The following ERCC4 variants were observed in gnomAD, a reference collection of about 807,000 sequenced individuals.
ERCC4 encodes the protein DNA repair endonuclease XPF.
ERCC4 carries 65 observed loss-of-function variants against 76.9 expected under a neutral mutation model. That is an observed-to-expected ratio of 0.84 (90% CI 0.69 to 1.04). The LOEUF (loss-of-function observed/expected upper bound fraction) is 1.04, where lower values mean the gene tolerates loss of function less well. Ranked by LOEUF, ERCC4 falls within the 50% of genes least tolerant of loss-of-function variation. The pLI is 0.00. For synonymous variants in ERCC4, 463 were observed against 410.1 expected (o/e 1.13, Z -1.56); for missense variants, 1,214 against 1,128.2 (o/e 1.08, Z -1.09).
rs2032274770 is a variant in ERCC4 at position 13,935,671 on chromosome 16, T to C, written c.1739T>C (p.Leu580Pro). 1 of 1,614,156 alleles carries C rather than the reference T, an allele frequency of 6.2e-7. No homozygotes were observed. Among genetic ancestry groups the C allele is most frequent in the Non-Finnish European group, 8.5e-7 (1 of 1,180,022 alleles). ...GAAGTGGAGCCAAGATACGTGGTTC[T>C]TTATGACGCAGAGCTAACCTTTGTT... is the stretch of plus-strand genomic sequence containing the variant. ...LHEVEPRYVV[L>P]YDAELTFVRQ... is the part of the protein sequence containing the mutation. The change falls in exon 8 of 11, where the codon CTT (leucine) becomes CCT (proline). Residue 580 changes from leucine (L) to proline (P), a missense_variant. Physicochemically the swap from Leu to Pro is moderately conservative, Grantham distance 98 (BLOSUM62 -3). Transcript: ENST00000311895.
intron 2 of ERCC4, among the ~76,000 whole-genome samples, 183 bp from the exon 3 acceptor site, chr16:13,926,378 C>T (rs1239957829): frequency 1.3e-5 from 2 of 151,510 alleles, no homozygotes; most frequent in Non-Finnish European, 2.9e-5. Flanking sequence ...AAATATTTTA[C>T]GTATTTATAT....
At chr16:13,933,428 G>A (rs558418175) in intron 6 of ERCC4, 1 of 153,448 alleles carries the variant, frequency 6.5e-6, no homozygotes, top group African/African-American at 2.4e-5. Context: ...CTTAACTGAG[G>A]CCGGGCGCGG....
intron 9 of ERCC4, among the ~76,000 whole-genome samples, chr16:13,942,529 C>G (rs1354695974): frequency 6.6e-6 from 1 of 152,192 alleles, no homozygotes; most frequent in African/African-American, 2.4e-5. Flanking sequence ...ATAGTGCTTA[C>G]TAGGTGCCAG....
chr16:13,937,645 A>C, intron 8 of ERCC4, 121 bp from the exon 9 acceptor site: 1 of 726,878 alleles, frequency 1.4e-6, no homozygotes, highest in Non-Finnish European at 2.5e-6. Flanking sequence ...GAAACCTTTG[A>C]TTCTTAGTCA....
rs1170528313 is a variant in ERCC4, at chr16:13,952,176, AATAT to A, written c.*3834_*3837del. On this transcript the variant is annotated 3_prime_UTR_variant, in exon 11 of 11. Transcript: ENST00000311895. ...AGTTGTATTTGTGTGTGTTTAATAAAATATATATTTATTCAGTACTTTCCTCAGT... is the reference window on the plus strand; with the variant it reads ...AGTTGTATTTGTGTGTGTTTAATAAAATATTTATTCAGTACTTTCCTCAGT... The A allele has an allele frequency of 5.3e-6, 1 of 187,094 alleles. No individual in the cohort carries two copies. The highest frequency in any genetic ancestry group is 6.2e-5 in the Admixed American group (1 of 16,178). The allele number at this position is 187,094 out of a possible 1,614,324, so 11.6% of individuals were successfully genotyped here.
At chr16:13,924,403 A>G (rs1425412971) in intron 2 of ERCC4, among the ~76,000 whole-genome samples, 2 of 152,204 alleles carry the variant, frequency 1.3e-5, no homozygotes, top group African/African-American at 4.8e-5. Flanking sequence ...CAGAACTAAG[A>G]ACACACTTTC....
chr16:13,950,350 G>A lies in ERCC4; in HGVS notation c.*2003G>A, dbSNP rs1213364112. ...GTACTTAACAGTATATATGGATTTT[G>A]AACTCTACACAAGGGTATAACCAGA... On this transcript the variant is annotated 3_prime_UTR_variant, in exon 11 of 11. Transcript: ENST00000311895. 5.3e-6 allele frequency: 1 copy of A among 187,710 alleles called. No homozygotes were observed. Among genetic ancestry groups the A allele is most frequent in the Non-Finnish European group, 1.1e-5 (1 of 89,082 alleles). 11.6% of individuals were successfully genotyped at this position (187,710 alleles called of 1,614,324 possible). A position where few individuals can be genotyped will look rare whatever the true frequency, so the allele number is the denominator to read the frequency against.
Position 13,935,172 on chromosome 16 carries a change from G to A in ERCC4, c.1240G>A (p.Asp414Asn), listed in dbSNP as rs1442739999. 1.2e-6 allele frequency: 2 copies of A among 1,613,964 alleles called. No individual in the cohort carries two copies. The highest frequency in any genetic ancestry group is 1.7e-6 in the Non-Finnish European group (2 of 1,179,884). The stretch of plus-strand genomic sequence containing the variant: ...TCAAGTACTGATTTGTGCAAGTGAT[G>A]ACCGAACATGTTCCCAGCTGAGAGA... ...PGQVLICASDDRTCSQLRDYI... is the reference protein window; with the variant it reads ...PGQVLICASDNRTCSQLRDYI... Residue 414 changes from aspartate (D) to asparagine (N), a missense_variant, in exon 8 of 11, where the codon GAC (aspartate) becomes AAC (asparagine). By Grantham distance (23) the Asp-to-Asn change is conservative. Coordinates refer to ENST00000311895, the MANE Select transcript of ERCC4 (RefSeq NM_005236.3).
intron 10 of ERCC4, 82 bp from the exon 11 acceptor site, chr16:13,947,532 C>A: frequency 1.4e-6 from 2 of 1,385,732 alleles, no homozygotes; most frequent in South Asian, 1.2e-5. Context: ...GAGTTAACAA[C>A]AGAAACATCG....
chr16:13,948,106 C>T lies in ERCC4; in HGVS notation c.2510C>T (p.Thr837Ile). 1 of 1,614,182 alleles carries T rather than the reference C, an allele frequency of 6.2e-7. No individual in the cohort carries two copies. Among genetic ancestry groups the T allele is most frequent in the African/African-American group, 1.3e-5 (1 of 75,032 alleles). Residue 837 changes from threonine (T) to isoleucine (I), a missense_variant, in exon 11 of 11, where the codon ACC (threonine) becomes ATC (isoleucine). Transcript: ENST00000311895. ...CTGGCCATTACAGCAGATTCTGAAA[C>T]CCTTCCCGAGTCAGAGAAGTATAAT... is the stretch of plus-strand genomic sequence containing the variant. ...TALAITADSE[T>I]LPESEKYNPG...
rs758567128 is a variant in ERCC4 at position 13,935,344 on chromosome 16, AC to A, written c.1417del (p.Gln473LysfsTer20). 6 of 1,609,846 alleles carry A rather than the reference AC, an allele frequency of 3.7e-6. No homozygotes were observed. The highest frequency in any genetic ancestry group is 5.1e-6 in the Non-Finnish European group (6 of 1,179,066). On this transcript the variant is annotated frameshift_variant, in exon 8 of 11. Coordinates refer to ENST00000311895, the MANE Select transcript of ERCC4 (RefSeq NM_005236.3). LOFTEE classifies it high-confidence loss of function. ...RIRKSHKRPK[D>X]PQNKERASTK... ...AGGAAATCTCACAAAAGACCTAAAG[AC>A]CCCCAAAACAAAGAACGGGCTTCTA... is the stretch of plus-strand genomic sequence containing the variant.
In ERCC4 at chr16:13,935,175, C is replaced by A; in HGVS notation, c.1243C>A (p.Arg415=). 1 of 1,613,894 alleles carries A rather than the reference C, an allele frequency of 6.2e-7. No individual in the cohort carries two copies. Among genetic ancestry groups the A allele is most frequent in the South Asian group, 1.1e-5 (1 of 91,080 alleles). The change falls in exon 8 of 11, where the codon CGA becomes AGA. Residue 415 remains arginine (R), a synonymous_variant. Coordinates refer to ENST00000311895, the MANE Select transcript of ERCC4 (RefSeq NM_005236.3). Reference sequence around the variant, plus strand: ...AGTACTGATTTGTGCAAGTGATGACCGAACATGTTCCCAGCTGAGAGACTA... The same window carrying A: ...AGTACTGATTTGTGCAAGTGATGACAGAACATGTTCCCAGCTGAGAGACTA... ...GQVLICASDD[R]TCSQLRDYIT...
intron 4 of ERCC4, 81 bp downstream of exon 4, chr16:13,928,316 T>A (rs956186369): frequency 2.0e-6 from 2 of 1,008,338 alleles, no homozygotes; most frequent in Non-Finnish European, 1.5e-6. Context: ...GCAATGTTGT[T>A]AATAGGAATT....
Position 13,935,539 on chromosome 16 carries a change from T to G in ERCC4, c.1607T>G (p.Val536Gly). ...GAAATTAAGCATGAAGAATTTGATG[T>G]AAATTTGTCATCGGATGCTGCTTTC... ...PEEIKHEEFD[V>G]NLSSDAAFGI... Residue 536 changes from valine (V) to glycine (G), a missense_variant, in exon 8 of 11, where the codon GTA becomes GGA. By Grantham distance (109) the Val-to-Gly change is moderately radical. Transcript: ENST00000311895. 1 of 1,614,218 alleles carries G rather than the reference T, an allele frequency of 6.2e-7. No individual in the cohort carries two copies. The highest frequency in any genetic ancestry group is 1.1e-5 in the South Asian group (1 of 91,088).
Position 13,950,336 on chromosome 16 carries a change from T to G in ERCC4, c.*1989T>G, listed in dbSNP as rs1472562005. 5.3e-6 allele frequency: 1 copy of G among 188,208 alleles called. No individual in the cohort carries two copies. The highest frequency in any genetic ancestry group is 1.1e-5 in the Non-Finnish European group (1 of 89,444). 11.7% of individuals were successfully genotyped at this position (188,208 alleles called of 1,614,324 possible). ...ATCTTGATTTATTGGTACTTAACAGTATATATGGATTTTGAACTCTACACA... is the reference window on the plus strand; with the variant it reads ...ATCTTGATTTATTGGTACTTAACAGGATATATGGATTTTGAACTCTACACA... On this transcript the variant is annotated 3_prime_UTR_variant, in exon 11 of 11. Coordinates refer to ENST00000311895, the MANE Select transcript of ERCC4 (RefSeq NM_005236.3).
At chr16:13,921,445 A>G (rs1413767249) in intron 1 of ERCC4, among the ~76,000 whole-genome samples, 1 of 152,102 alleles carries the variant, frequency 6.6e-6, no homozygotes, top group East Asian at 1.9e-4. Context: ...GAGAAGAGTG[A>G]CCACAGTCTC....
chr16:13,937,629 A>G, intron 8 of ERCC4, 137 bp from the exon 9 acceptor site: 2 of 705,980 alleles, frequency 2.8e-6, no homozygotes, highest in South Asian at 3.0e-5. Context: ...CTAGTGTGTG[A>G]TAAATGAAAC....
chr16:13,920,385 T>A lies in ERCC4; in HGVS notation c.207+13T>A, dbSNP rs759023704. On this transcript the variant is annotated intron_variant, in intron 1 of 10. Transcript: ENST00000311895. ...GCCGGCCGAGGAGGTGCGGCCGCGC[T>A]GGCGCGGGAGTGAGGGGACTCCGAG... The A allele has an allele frequency of 1.5e-5, 24 of 1,552,946 alleles. No homozygotes were observed. Among genetic ancestry groups the A allele is most frequent in the Non-Finnish European group, 2.1e-5 (24 of 1,155,940 alleles).
In ERCC4 at chr16:13,940,372, A is replaced by AG. The variant is rs149180017; in HGVS notation, c.1904+2515dup. On this transcript the variant is annotated intron_variant, in intron 9 of 10. Coordinates refer to ENST00000311895, the MANE Select transcript of ERCC4 (RefSeq NM_005236.3). ...CACTGCACTCCAGCCTGGGCAACCG[A>AG]GTGACCCCCGTCTCAAAAAAAAAAA... Among the ~76,000 whole-genome samples, 892 of 151,062 alleles carry AG rather than the reference A, an allele frequency of 5.9e-3. 10 individuals are homozygous for AG. Among genetic ancestry groups the AG allele is most frequent in the African/African-American group, 0.021 (859 of 41,030 alleles).
Sources: allele counts gnomAD v4.1 joint callset (sites outside exome capture counted in the v4.1 genomes callset), GRCh38; gene constraint gnomAD v4.1.1; transcripts MANE v1.5; gene names NCBI Gene and HGNC (gene_info 2026-07-23, HGNC 2026-07-21).